OTUD7A: variants seen among roughly 807,000 people sequenced by gnomAD.
OTUD7A encodes the protein OTU domain-containing protein 7A.
Under a neutral mutation model 65.7 loss-of-function variants are expected in OTUD7A, and 12 were observed. The ratio of observed to expected loss-of-function variants is 0.18; its 90% CI spans 0.12 to 0.30. The LOEUF (loss-of-function observed/expected upper bound fraction) is 0.30, where lower values mean the gene tolerates loss of function less well. OTUD7A is among the 10% of genes least tolerant of loss of function. OTUD7A has a pLI of 1.00. For synonymous variants in OTUD7A, 641 were observed against 586.3 expected (o/e 1.09, Z -1.35); for missense variants, 1,148 against 1,304.8 (o/e 0.88, Z 1.85).
chr15:31,483,988 CGCGGCGGCCGCTTGGCCGTGGCG>C lies in OTUD7A; in HGVS notation c.2085_2107del (p.Ala696GlnfsTer181). The C allele has an allele frequency of 8.9e-7, 1 of 1,123,016 alleles. No individual in the cohort carries two copies. 69.6% of individuals were successfully genotyped at this position (1,123,016 alleles called of 1,614,324 possible). A position where few individuals can be genotyped will look rare whatever the true frequency, so the allele number is the denominator to read the frequency against. On this transcript the variant is annotated frameshift_variant, in exon 13 of 13. Transcript: ENST00000307050. LOFTEE classifies it low-confidence loss of function (END_TRUNC). ...CGGCACGCCCTCCGTCTCCGGTCTG[CGCGGCGGCCGCTTGGCCGTGGCG>C]GCGGCGGCGGCGGCGGCAGCGGCGG...
intron 1 of OTUD7A, among the ~76,000 whole-genome samples, chr15:31,685,583 C>T (rs932524470): frequency 2.6e-5 from 4 of 152,158 alleles, no homozygotes; most frequent in African/African-American, 4.8e-5. Context: ...GGTGTGAACC[C>T]GAGAGGTGGA....
chr15:31,783,101 G>C (rs1235642901), intron 1 of OTUD7A, among the ~76,000 whole-genome samples: 5 of 152,296 alleles, frequency 3.3e-5, no homozygotes, highest in Non-Finnish European at 7.4e-5. Flanking sequence ...GAAGGGAAGG[G>C]AACAGCCACT....
intron 1 of OTUD7A, among the ~76,000 whole-genome samples, chr15:31,854,902 T>A: frequency 6.7e-6 from 1 of 148,570 alleles, no homozygotes; most frequent in African/African-American, 2.5e-5. Context: ...GAAATAAAAA[T>A]TAAAATAAAT....
At chr15:31,740,102 G>A (rs1031918194) in intron 1 of OTUD7A, among the ~76,000 whole-genome samples, 31 of 152,232 alleles carry the variant, frequency 2.0e-4, no homozygotes, top group African/African-American at 7.2e-4. Flanking sequence ...AGCGGAGTGT[G>A]AGGACATGAG....
rs185356819 is a variant in OTUD7A at position 31,627,553 on chromosome 15, G to C, written c.151+27543C>G. Among the ~76,000 whole-genome samples, 559 of 152,094 alleles carry C rather than the reference G, an allele frequency of 3.7e-3. 4 individuals carry two copies. The highest frequency in any genetic ancestry group is 0.013 in the African/African-American group (545 of 41,464). ...GTGAATAGTGCTGCAATAAACATAC[G>C]TGTGCATGTGTCTTTATAGCAGCAT... On this transcript the variant is annotated intron_variant, in intron 3 of 12. Transcript: ENST00000307050.
chr15:31,856,529 T>G lies in OTUD7A; in HGVS notation c.-100+13978A>C, dbSNP rs116446527. Among the ~76,000 whole-genome samples, 1,067 of 152,324 alleles carry G rather than the reference T, an allele frequency of 7.0e-3. 15 individuals carry two copies. Among genetic ancestry groups the G allele is most frequent in the African/African-American group, 0.025 (1,027 of 41,564 alleles). On this transcript the variant is annotated intron_variant, in intron 1 of 12. Transcript: ENST00000307050. ...AACAAAATGCTGAGAGTGTGGGGTT[T>G]GAGAAGCTCTGTATTAGTTTTATCT...
intron 3 of OTUD7A, among the ~76,000 whole-genome samples, chr15:31,574,088 A>G (rs978786302): frequency 6.6e-6 from 1 of 152,176 alleles, no homozygotes; most frequent in African/African-American, 2.4e-5. Flanking sequence ...TGAGGCATAT[A>G]GGGAATAAAC....
chr15:31,769,436 C>T (rs569108566), intron 1 of OTUD7A, among the ~76,000 whole-genome samples: 6 of 152,320 alleles, frequency 3.9e-5, no homozygotes, highest in South Asian at 4.1e-4. Context: ...TATACTTACG[C>T]ATGACACAGC....
intron 1 of OTUD7A, among the ~76,000 whole-genome samples, chr15:31,860,644 T>TATATATATATATATATATATATATATAA: frequency 8.6e-6 from 1 of 115,728 alleles, no homozygotes; most frequent in Non-Finnish European, 1.9e-5. Context: ...TATATATATA[T>TATATATATATATATATATATATATATAA]GTATGTATGT....
chr15:31,642,361 T>C (rs916446410), intron 3 of OTUD7A, among the ~76,000 whole-genome samples: 1 of 152,222 alleles, frequency 6.6e-6, no homozygotes, highest in African/African-American at 2.4e-5. Context: ...TGAGGAATAT[T>C]TGTCTGTAGT....
intron 3 of OTUD7A, among the ~76,000 whole-genome samples, chr15:31,635,735 AC>A (rs1424026296): frequency 6.6e-6 from 1 of 152,226 alleles, no homozygotes; most frequent in East Asian, 1.9e-4. Context: ...GACATGTGAA[AC>A]CCACAAGCAA....
At chr15:31,826,675 C>T (rs1448506312) in intron 1 of OTUD7A, among the ~76,000 whole-genome samples, 1 of 152,242 alleles carries the variant, frequency 6.6e-6, no homozygotes, top group Non-Finnish European at 1.5e-5. Context: ...ATCACACTGT[C>T]AGGCTGCAAA....
intron 8 of OTUD7A, among the ~76,000 whole-genome samples, chr15:31,522,964 G>A (rs949596628): frequency 1.3e-5 from 2 of 152,214 alleles, no homozygotes. Flanking sequence ...AGAGCAGGAT[G>A]CAGGGCCCGC....
chr15:31,719,791 T>C (rs535562592), intron 1 of OTUD7A, among the ~76,000 whole-genome samples: 4 of 152,310 alleles, frequency 2.6e-5, no homozygotes, highest in African/African-American at 9.6e-5. Flanking sequence ...CTGAATGATG[T>C]GATACCCTGT....
intron 1 of OTUD7A, among the ~76,000 whole-genome samples, chr15:31,665,224 CA>C (rs1407155281): frequency 2.0e-5 from 3 of 152,112 alleles, no homozygotes; most frequent in Non-Finnish European, 4.4e-5. Flanking sequence ...ATGGGGATTG[CA>C]CTGAATTTGT....
chr15:31,631,077 G>T (rs1482348217), intron 3 of OTUD7A, among the ~76,000 whole-genome samples: 1 of 100,534 alleles, frequency 9.9e-6, no homozygotes, highest in Non-Finnish European at 2.3e-5. Context: ...GGAGCATTTA[G>T]CCCACTGACA....
chr15:31,719,264 C>T (rs1311113024), intron 1 of OTUD7A, among the ~76,000 whole-genome samples: 1 of 151,914 alleles, frequency 6.6e-6, no homozygotes, highest in East Asian at 1.9e-4. Context: ...TTTGAAATCC[C>T]TCCTTCATTG....
chr15:31,767,485 G>A (rs1158184562), intron 1 of OTUD7A: 1 of 772,410 alleles, frequency 1.3e-6, no homozygotes, highest in Non-Finnish European at 2.4e-6. Context: ...AATACCCAGT[G>A]AGGGAGGTCA....
chr15:31,798,547 A>AAG (rs1896034104), intron 1 of OTUD7A, among the ~76,000 whole-genome samples: 1 of 152,170 alleles, frequency 6.6e-6, no homozygotes, highest in Non-Finnish European at 1.5e-5. Flanking sequence ...TCAAGGAGGG[A>AAG]AGTGGAGTGC....
Sources: gnomAD v4.1 joint callset for allele counts (sites outside exome capture counted in the v4.1 genomes callset) on GRCh38, gnomAD v4.1.1 for gene constraint, MANE v1.5 for transcripts, NCBI Gene and HGNC (gene_info 2026-07-23, HGNC 2026-07-21) for gene names.